RYR3: variants seen among roughly 807,000 people sequenced by gnomAD.
RYR3 encodes the protein brain ryanodine receptor-calcium release channel.
RYR3 carries 207 observed loss-of-function variants against 584.3 expected under a neutral mutation model. That is an observed-to-expected ratio of 0.35 (90% CI 0.32 to 0.40). The LOEUF (loss-of-function observed/expected upper bound fraction) is 0.40, where lower values mean the gene tolerates loss of function less well. Ranked by LOEUF, RYR3 falls within the 10% of genes least tolerant of loss-of-function variation. RYR3 has a pLI of 1.00. For missense variants in RYR3, 5,616 were observed against 6,089.2 expected (o/e 0.92, Z 2.59); for synonymous variants, 2,416 against 2,248.5 (o/e 1.07, Z -2.11).
intron 1 of RYR3, among the ~76,000 whole-genome samples, chr15:33,388,868 C>G (rs574857754): frequency 1.6e-4 from 25 of 152,118 alleles, no homozygotes; most frequent in African/African-American, 6.0e-4. Context: ...GATGAGGGCA[C>G]TCATCACTCT....
chr15:33,316,266 G>C (rs905423700), intron 1 of RYR3, among the ~76,000 whole-genome samples: 3 of 152,052 alleles, frequency 2.0e-5, no homozygotes, highest in African/African-American at 7.2e-5. Context: ...TCATAGAAAG[G>C]AATCTTTATT....
chr15:33,727,963 G>C (rs2068609202), intron 46 of RYR3, among the ~76,000 whole-genome samples: 1 of 152,108 alleles, frequency 6.6e-6, no homozygotes, highest in Non-Finnish European at 1.5e-5. Flanking sequence ...TCTTGATTAA[G>C]ATTAGAATTC....
intron 1 of RYR3, among the ~76,000 whole-genome samples, chr15:33,445,904 G>A (rs1187164592): frequency 6.6e-6 from 1 of 152,066 alleles, no homozygotes; most frequent in African/African-American, 2.4e-5. Flanking sequence ...TTTACATTAT[G>A]TAACATTAAG....
intron 60 of RYR3, among the ~76,000 whole-genome samples, chr15:33,758,143 C>T (rs1278006189): frequency 6.6e-6 from 1 of 152,234 alleles, no homozygotes; most frequent in Admixed American, 6.5e-5. Context: ...GTCTTCACAA[C>T]CTGCAGACCA....
Position 33,848,432 on chromosome 15 carries a change from C to CT in RYR3, c.13628+12dup. 1.2e-6 allele frequency: 2 copies of CT among 1,604,214 alleles called. No homozygotes were observed. The highest frequency in any genetic ancestry group is 1.7e-6 in the Non-Finnish European group (2 of 1,177,028). On this transcript the variant is annotated intron_variant, in intron 94 of 103. Coordinates refer to ENST00000634891, the MANE Select transcript of RYR3 (RefSeq NM_001036.6). ...GGTGATCAACACACCGTGAGTGTCC[C>CT]TCTACCCCAACCTAAAAAGGAGATG...
rs146510924 is a variant in RYR3, at chr15:33,521,318, C to A, written c.280-9274C>A. Reference sequence around the variant, plus strand: ...GATGCCTGTGACTGAGAATTTACACCTTCTCAAATTAGGCTCTGGCCTTTC... The same window carrying A: ...GATGCCTGTGACTGAGAATTTACACATTCTCAAATTAGGCTCTGGCCTTTC... On this transcript the variant is annotated intron_variant, in intron 3 of 103. Transcript: ENST00000634891. 5.1e-3 allele frequency among the ~76,000 whole-genome samples: 776 copies of A among 152,218 alleles called. 4 individuals are homozygous for A. The highest frequency in any genetic ancestry group is 9.4e-3 in the Non-Finnish European group (642 of 68,026).
intron 2 of RYR3, among the ~76,000 whole-genome samples, chr15:33,485,578 G>T (rs185471276): frequency 6.6e-6 from 1 of 152,202 alleles, no homozygotes; most frequent in Non-Finnish European, 1.5e-5. Context: ...GAAGGAAAAC[G>T]TCAAGGATGA....
chr15:33,640,232 C>T (rs1210938816), intron 27 of RYR3, among the ~76,000 whole-genome samples: 2 of 152,208 alleles, frequency 1.3e-5, no homozygotes, highest in Non-Finnish European at 2.9e-5. Context: ...ACGCTGGTAC[C>T]CAGGGTCCCC....
Position 33,562,908 on chromosome 15 carries a change from T to C in RYR3, c.1044T>C (p.Tyr348=), listed in dbSNP as rs766884687. 1 of 1,613,754 alleles carries C rather than the reference T, an allele frequency of 6.2e-7. No homozygotes were observed. Among genetic ancestry groups the C allele is most frequent in the Non-Finnish European group, 8.5e-7 (1 of 1,179,654 alleles). ...IEGMGVPEIK[Y]GDSVCFVQHI... is the part of the protein sequence containing the mutation. Reference sequence around the variant, plus strand: ...GCATGGGAGTTCCAGAAATCAAGTATGGAGATTCTGTCTGCTTTGTGCAGC... The same window carrying C: ...GCATGGGAGTTCCAGAAATCAAGTACGGAGATTCTGTCTGCTTTGTGCAGC... The change falls in exon 11 of 104, where the codon TAT becomes TAC. Residue 348 remains tyrosine, a synonymous_variant. Coordinates refer to ENST00000634891, the MANE Select transcript of RYR3 (RefSeq NM_001036.6).
At chr15:33,651,145 AT>A (rs767401310) in intron 31 of RYR3, among the ~76,000 whole-genome samples, 1 of 152,256 alleles carries the variant, frequency 6.6e-6, no homozygotes, top group Non-Finnish European at 1.5e-5. Context: ...GACATACTAT[AT>A]GGTACACATT....
chr15:33,538,732 G>C (rs911449533), intron 5 of RYR3, among the ~76,000 whole-genome samples: 1 of 152,168 alleles, frequency 6.6e-6, no homozygotes, highest in Non-Finnish European at 1.5e-5. Context: ...TTCTGCAGCA[G>C]GAATTGGCTT....
intron 1 of RYR3, among the ~76,000 whole-genome samples, chr15:33,337,678 T>A (rs1189099242): frequency 6.6e-6 from 1 of 152,176 alleles, no homozygotes; most frequent in African/African-American, 2.4e-5. Flanking sequence ...GACTGTCAAC[T>A]GGTACAGTCA....
At chr15:33,366,593 T>C (rs1357938462) in intron 1 of RYR3, among the ~76,000 whole-genome samples, 1 of 152,134 alleles carries the variant, frequency 6.6e-6, no homozygotes, top group Admixed American at 6.5e-5. Flanking sequence ...GGCAACAGGG[T>C]GCTGTGCCTA....
chr15:33,782,613 A>T (rs1293129964), intron 65 of RYR3, among the ~76,000 whole-genome samples: 17 of 152,202 alleles, frequency 1.1e-4, no homozygotes. Context: ...GACTTCATTC[A>T]TTACAAAGTG....
intron 1 of RYR3, among the ~76,000 whole-genome samples, chr15:33,469,802 C>T (rs1268209957): frequency 6.6e-6 from 1 of 152,034 alleles, no homozygotes; most frequent in Non-Finnish European, 1.5e-5. Flanking sequence ...ATGAGATTGC[C>T]AAGGGAAAAT....
At chr15:33,807,952 T>C (rs1019109367) in intron 70 of RYR3, among the ~76,000 whole-genome samples, 1 of 152,228 alleles carries the variant, frequency 6.6e-6, no homozygotes, top group Non-Finnish European at 1.5e-5. Flanking sequence ...ATTAGTGGTC[T>C]CAGCCCTTTC....
At chr15:33,521,456 G>C (rs532283177) in intron 3 of RYR3, among the ~76,000 whole-genome samples, 13 of 152,298 alleles carry the variant, frequency 8.5e-5, no homozygotes, top group African/African-American at 2.4e-4. Context: ...TTCCAAGAGA[G>C]AGGGTTAGCT....
intron 1 of RYR3, among the ~76,000 whole-genome samples, chr15:33,357,466 G>T (rs950732268): frequency 1.3e-5 from 2 of 152,068 alleles, no homozygotes; most frequent in Non-Finnish European, 2.9e-5. Flanking sequence ...TTACATTTTA[G>T]AATTTTTCTG....
At chr15:33,579,794 A>T (rs779068503) in intron 12 of RYR3, among the ~76,000 whole-genome samples, 182 bp from the exon 13 acceptor site, 1 of 152,208 alleles carries the variant, frequency 6.6e-6, no homozygotes, top group Non-Finnish European at 1.5e-5. Flanking sequence ...TTGAATGTGA[A>T]TATTTCCTTC....
Sources: gnomAD v4.1 joint callset for allele counts (sites outside exome capture counted in the v4.1 genomes callset) on GRCh38, gnomAD v4.1.1 for gene constraint, MANE v1.5 for transcripts, NCBI Gene and HGNC (gene_info 2026-07-23, HGNC 2026-07-21) for gene names.